ZNF804B: variants seen among roughly 807,000 people sequenced by gnomAD.
ZNF804B encodes the protein zinc finger protein 804B, also known as zinc finger 804B.
ZNF804B carries 80 observed loss-of-function variants against 101.4 expected under a neutral mutation model. The ratio of observed to expected loss-of-function variants is 0.79; its 90% CI spans 0.66 to 0.95. The LOEUF (loss-of-function observed/expected upper bound fraction) is 0.95. Ranked by LOEUF, ZNF804B falls within the 40% of genes least tolerant of loss-of-function variation. ZNF804B has a pLI of 0.00. For missense variants in ZNF804B, 1,673 were observed against 1,561.9 expected (o/e 1.07, Z -1.20); for synonymous variants, 622 against 558.8 (o/e 1.11, Z -1.59).
intron 1 of ZNF804B, among the ~76,000 whole-genome samples, chr7:88,950,452 A>G (rs1793201678): frequency 6.7e-6 from 1 of 148,514 alleles, no homozygotes; most frequent in Admixed American, 6.8e-5. Context: ...GCATTGAGAG[A>G]TAACAGTCAC....
intron 1 of ZNF804B, among the ~76,000 whole-genome samples, chr7:88,924,271 TA>T (rs1370495128): frequency 1.3e-5 from 2 of 152,146 alleles, no homozygotes; most frequent in Non-Finnish European, 2.9e-5. Flanking sequence ...TCTGATTGGT[TA>T]AAAAATCTAT....
chr7:89,079,442 C>A (rs906027044), intron 1 of ZNF804B, among the ~76,000 whole-genome samples: 2 of 151,992 alleles, frequency 1.3e-5, no homozygotes, highest in South Asian at 4.1e-4. Context: ...CAGAGTCCTT[C>A]ACTCTTAGGC....
chr7:88,922,168 A>G (rs974532375), intron 1 of ZNF804B, among the ~76,000 whole-genome samples: 1 of 151,990 alleles, frequency 6.6e-6, no homozygotes, highest in Non-Finnish European at 1.5e-5. Flanking sequence ...TACTGTCTAT[A>G]TTTTGTTAAA....
chr7:88,877,723 T>G (rs1286655998), intron 1 of ZNF804B, among the ~76,000 whole-genome samples: 2 of 152,122 alleles, frequency 1.3e-5, no homozygotes, highest in African/African-American at 4.8e-5. Context: ...GGGGAAAAAT[T>G]CTTGGCATAT....
intron 1 of ZNF804B, among the ~76,000 whole-genome samples, chr7:88,909,112 A>T (rs1166545732): frequency 6.6e-6 from 1 of 151,824 alleles, no homozygotes; most frequent in Admixed American, 6.6e-5. Context: ...TATGGCAGAT[A>T]TTGGTGCATA....
At chr7:88,773,564 AG>A (rs1392387877) in intron 1 of ZNF804B, among the ~76,000 whole-genome samples, 1 of 152,230 alleles carries the variant, frequency 6.6e-6, no homozygotes, top group Non-Finnish European at 1.5e-5. Context: ...AATACTGGGA[AG>A]TAACACTACT....
intron 1 of ZNF804B, among the ~76,000 whole-genome samples, chr7:88,984,241 T>G (rs1259238106): frequency 6.6e-6 from 1 of 152,064 alleles, no homozygotes; most frequent in African/African-American, 2.4e-5. Context: ...TTGTAGGAGT[T>G]TCATATAAAA....
chr7:89,241,473 T>C (rs923238342), intron 2 of ZNF804B, among the ~76,000 whole-genome samples: 1 of 152,136 alleles, frequency 6.6e-6, no homozygotes, highest in African/African-American at 2.4e-5. Context: ...TCCTTGAAGC[T>C]ATAGCTCTCT....
chr7:88,949,647 T>A (rs574459251), intron 1 of ZNF804B, among the ~76,000 whole-genome samples: 40 of 151,978 alleles, frequency 2.6e-4, no homozygotes, highest in Non-Finnish European at 5.2e-4. Flanking sequence ...TATTTGATAC[T>A]ATTATAAATG....
intron 1 of ZNF804B, among the ~76,000 whole-genome samples, chr7:89,002,478 T>C (rs1344593217): frequency 2.0e-5 from 3 of 151,884 alleles, no homozygotes; most frequent in African/African-American, 7.2e-5. Context: ...ATGCAGTGTA[T>C]GTTGTCTCAT....
intron 1 of ZNF804B, among the ~76,000 whole-genome samples, chr7:88,769,542 G>A (rs10264226): frequency 0.075 from 11,361 of 152,166 alleles, 637 homozygotes; most frequent in East Asian, 0.28. Context: ...TAGTTAAGCC[G>A]TATTTTTTCA....
chr7:88,856,299 T>C (rs1791558309), intron 1 of ZNF804B, among the ~76,000 whole-genome samples: 1 of 152,102 alleles, frequency 6.6e-6, no homozygotes, highest in African/African-American at 2.4e-5. Flanking sequence ...TGGTTTGTAG[T>C]TCTCCTTGAA....
intron 1 of ZNF804B, among the ~76,000 whole-genome samples, chr7:89,117,730 T>C (rs1583996661): frequency 6.6e-6 from 1 of 152,338 alleles, no homozygotes; most frequent in East Asian, 1.9e-4. Flanking sequence ...CAAATTATCA[T>C]ACTCATTACA....
At chr7:88,993,612 G>A (rs891478655) in intron 1 of ZNF804B, among the ~76,000 whole-genome samples, 9 of 151,838 alleles carry the variant, frequency 5.9e-5, no homozygotes, top group Middle Eastern at 3.2e-3. Flanking sequence ...ACTATCCAAC[G>A]TCCCAAGCAG....
rs73395240 is a variant in ZNF804B, at chr7:89,165,113, G to A, written c.109-53042G>A. On this transcript the variant is annotated intron_variant, in intron 1 of 3. Coordinates refer to ENST00000333190, the MANE Select transcript of ZNF804B (RefSeq NM_181646.5). ...ATCTTGGTCTATCATATTCAGAGCT[G>A]GTGTTCCAAACTGATTATTCTGCTT... 9.9e-3 allele frequency among the ~76,000 whole-genome samples: 1,507 copies of A among 152,130 alleles called. 28 individuals are homozygous for A. The highest frequency in any genetic ancestry group is 0.035 in the African/African-American group (1,441 of 41,524).
chr7:88,810,336 A>C (rs901795596), intron 1 of ZNF804B, among the ~76,000 whole-genome samples: 2 of 152,148 alleles, frequency 1.3e-5, no homozygotes, highest in Non-Finnish European at 2.9e-5. Context: ...AATATATTTA[A>C]AGACAATGTA....
intron 1 of ZNF804B, among the ~76,000 whole-genome samples, chr7:88,859,092 T>G (rs142124015): frequency 1.1e-4 from 16 of 152,176 alleles, no homozygotes; most frequent in African/African-American, 3.4e-4. Context: ...CTAATGAGCA[T>G]ATAGGTTTTA....
intron 1 of ZNF804B, among the ~76,000 whole-genome samples, chr7:89,069,799 G>A (rs562342392): frequency 3.9e-5 from 6 of 152,192 alleles, no homozygotes; most frequent in South Asian, 2.1e-4. Flanking sequence ...TCAATTTTAA[G>A]CCACTTAATA....
intron 1 of ZNF804B, among the ~76,000 whole-genome samples, chr7:89,168,911 G>C (rs1270029852): frequency 6.6e-6 from 1 of 152,066 alleles, no homozygotes; most frequent in Non-Finnish European, 1.5e-5. Context: ...AAGATGGCAG[G>C]AAGCCTTTTG....
Sources: allele counts gnomAD v4.1 joint callset (sites outside exome capture counted in the v4.1 genomes callset), GRCh38; gene constraint gnomAD v4.1.1; transcripts MANE v1.5; gene names NCBI Gene and HGNC (gene_info 2026-07-23, HGNC 2026-07-21).